HEATR4: variants seen among roughly 807,000 people sequenced by gnomAD.
The protein encoded by HEATR4 is HEAT repeat containing 4, also known as HEAT repeat-containing protein 4.
HEATR4 carries 95 observed loss-of-function variants against 108.8 expected under a neutral mutation model. The ratio of observed to expected loss-of-function variants is 0.87; its 90% CI spans 0.74 to 1.04. The LOEUF is 1.04. HEATR4 is among the 50% of genes least tolerant of loss of function. The probability of loss-of-function intolerance (pLI) is 0.00; values close to 1 mark genes in which losing one functional copy is unlikely to be tolerated. For synonymous variants in HEATR4, 443 were observed against 459.4 expected (o/e 0.96, Z 0.46); for missense variants, 1,152 against 1,253.8 (o/e 0.92, Z 1.23).
At chr14:73,546,511 A>G (rs1350767142) in intron 1 of HEATR4, among the ~76,000 whole-genome samples, 2 of 112,146 alleles carry the variant, frequency 1.8e-5, no homozygotes, top group African/African-American at 5.8e-5. Context: ...CTGCAGACAC[A>G]TGTCACCATG....
chr14:73,509,203 A>G (rs1259785671), intron 8 of HEATR4, 109 bp downstream of exon 8: 1 of 1,093,920 alleles, frequency 9.1e-7, no homozygotes, highest in South Asian at 1.4e-5. Flanking sequence ...TCTAAACCCA[A>G]TACAGCAGAC....
the HEATR4 span, chr14:73,592,557 A>ACCCTCT: frequency 1.8e-6 from 2 of 1,090,850 alleles, no homozygotes; most frequent in Non-Finnish European, 2.5e-6. Flanking sequence ...ACTCTACCAA[A>ACCCTCT]ATAGAGGGTT....
At chr14:73,551,809 T>TA (rs1291975751) in intron 1 of HEATR4, among the ~76,000 whole-genome samples, 1,472 of 80,422 alleles carry the variant, frequency 0.018, 238 homozygotes, top group African/African-American at 0.026. Flanking sequence ...ATCTCCGTCT[T>TA]AAAAAAAAAA....
chr14:73,490,846 A>G (rs960572284), intron 17 of HEATR4: 6 of 631,014 alleles, frequency 9.5e-6, no homozygotes, highest in East Asian at 3.5e-5. Flanking sequence ...GAAGCCAAAC[A>G]TTTAATGAAA....
chr14:73,573,101 T>C, the HEATR4 span, among the ~76,000 whole-genome samples: 25 of 151,924 alleles, frequency 1.6e-4, 1 homozygote, highest in East Asian at 1.9e-3. Context: ...GAATTTGTGC[T>C]CTTCTATGTA....
chr14:73,602,996 C>G, the HEATR4 span, among the ~76,000 whole-genome samples: 801 of 152,328 alleles, frequency 5.3e-3, 8 homozygotes, highest in African/African-American at 0.019. Context: ...TTACCAAAAA[C>G]ACATTTTACT....
the HEATR4 span, among the ~76,000 whole-genome samples, chr14:73,626,441 G>C: frequency 2.8e-4 from 43 of 152,318 alleles, no homozygotes; most frequent in African/African-American, 9.9e-4. Context: ...TTCTATGAAG[G>C]CTGGGAGAAG....
the HEATR4 span, among the ~76,000 whole-genome samples, chr14:73,593,342 T>TC: frequency 1.4e-5 from 2 of 141,714 alleles, no homozygotes; most frequent in African/African-American, 2.6e-5. Flanking sequence ...CTTTCTTTTT[T>TC]TTTTTTTTTT....
At chr14:73,567,000 G>T in the HEATR4 span, among the ~76,000 whole-genome samples, 6 of 152,056 alleles carry the variant, frequency 3.9e-5, no homozygotes, top group East Asian at 9.6e-4. Flanking sequence ...GTAGAGATGG[G>T]GTTTCACTGT....
At chr14:73,617,699 T>G in the HEATR4 span, among the ~76,000 whole-genome samples, 2 of 152,030 alleles carry the variant, frequency 1.3e-5, no homozygotes, top group Non-Finnish European at 2.9e-5. Flanking sequence ...AGAAAATGAC[T>G]ATAAAGAGAT....
the HEATR4 span, among the ~76,000 whole-genome samples, chr14:73,591,414 C>T: frequency 6.6e-6 from 1 of 152,090 alleles, no homozygotes; most frequent in African/African-American, 2.4e-5. Flanking sequence ...GGCATGGTGG[C>T]GCGCGCCTGT....
At chr14:73,589,351 GCT>G in the HEATR4 span, among the ~76,000 whole-genome samples, 9 of 149,524 alleles carry the variant, frequency 6.0e-5, no homozygotes, top group South Asian at 2.1e-4. Flanking sequence ...TGAAAGTTTC[GCT>G]CTGTCACCGA....
chr14:73,612,913 C>T, the HEATR4 span: 1 of 1,355,872 alleles, frequency 7.4e-7, no homozygotes, highest in Non-Finnish European at 9.9e-7. Context: ...GCCACGACAC[C>T]GAGCCCGGGC....
chr14:73,568,937 AC>A, the HEATR4 span: 1 of 436,278 alleles, frequency 2.3e-6, no homozygotes, highest in Non-Finnish European at 4.2e-6. Flanking sequence ...AGTGATCAAA[AC>A]TAACTCCAGC....
At chr14:73,583,110 G>C in the HEATR4 span, among the ~76,000 whole-genome samples, 2 of 152,044 alleles carry the variant, frequency 1.3e-5, no homozygotes, top group Non-Finnish European at 2.9e-5. Flanking sequence ...TTGGGAGGCC[G>C]AGGCGGGCGG....
At chr14:73,632,343 A>G in the HEATR4 span, among the ~76,000 whole-genome samples, 1 of 152,142 alleles carries the variant, frequency 6.6e-6, no homozygotes, top group Non-Finnish European at 1.5e-5. Context: ...TAATACAGAT[A>G]AAATAAAAGG....
the HEATR4 span, chr14:73,619,877 C>G: frequency 6.6e-7 from 1 of 1,519,576 alleles, no homozygotes; most frequent in Non-Finnish European, 8.7e-7. Context: ...AATAAAAATC[C>G]TATTCATACA....
At chr14:73,578,325 A>G in the HEATR4 span, among the ~76,000 whole-genome samples, 1 of 148,318 alleles carries the variant, frequency 6.7e-6, no homozygotes, top group African/African-American at 2.5e-5. Context: ...GATCTCCAAG[A>G]CTCAAGTGAT....
In HEATR4 at chr14:73,492,327, C is replaced by T. The variant is rs1885823631; in HGVS notation, c.2844+739G>A. The T allele has an allele frequency of 6.2e-7, 1 of 1,614,014 alleles. No individual in the cohort carries two copies. Among genetic ancestry groups the T allele is most frequent in the Non-Finnish European group, 8.5e-7 (1 of 1,179,872 alleles). On this transcript the variant is annotated intron_variant, in intron 17 of 17. Coordinates refer to ENST00000553558, the MANE Select transcript of HEATR4 (RefSeq NM_001220484.1). The surrounding 1 kb of genome is among the most constrained non-coding windows in gnomAD (Gnocchi z 4.9). Reference sequence around the variant, plus strand: ...GGTGACTTCTTAGAGGCCATACTGCCTCTGGCAGTGCAGGCTGCAATGGAA... The same window carrying T: ...GGTGACTTCTTAGAGGCCATACTGCTTCTGGCAGTGCAGGCTGCAATGGAA...
Sources: gnomAD v4.1 joint callset for allele counts (sites outside exome capture counted in the v4.1 genomes callset) on GRCh38, gnomAD v4.1.1 for gene constraint, Gnocchi (gnomAD v3.1) non-coding constraint, MANE v1.5 for transcripts, NCBI Gene and HGNC (gene_info 2026-07-23, HGNC 2026-07-21) for gene names.